Variants in ITGAE observed in about 807,000 individuals in gnomAD.
The protein encoded by ITGAE is integrin alpha-E.
A neutral mutation model predicts 136.5 loss-of-function variants in ITGAE; 99 were observed. The observed-to-expected ratio is 0.73, with a 90% CI of 0.62 to 0.86. The LOEUF (loss-of-function observed/expected upper bound fraction) is 0.86, where lower values mean the gene tolerates loss of function less well. Ranked by LOEUF, ITGAE falls within the 40% of genes least tolerant of loss-of-function variation. The pLI, the probability that ITGAE is intolerant of heterozygous loss-of-function variation, is 0.00. For missense variants in ITGAE, 1,447 were observed against 1,515.3 expected, an observed-to-expected ratio of 0.95 and a Z score of 0.75; for synonymous variants, 613 against 591.8, an observed-to-expected ratio of 1.04 and a Z score of -0.52.
intron 14 of ITGAE, among the ~76,000 whole-genome samples, chr17:3,752,092 C>T (rs933398298): frequency 3.3e-5 from 5 of 151,614 alleles, no homozygotes; most frequent in Admixed American, 6.6e-5. Flanking sequence ...GATGCACGCT[C>T]GCTGGGCTGG....
At chr17:3,770,574 C>T (rs1289842011) in intron 2 of ITGAE, among the ~76,000 whole-genome samples, 2 of 152,194 alleles carry the variant, frequency 1.3e-5, no homozygotes, top group East Asian at 3.8e-4. Context: ...AGCAGGAGCA[C>T]AGCCCCTGCC....
chr17:3,761,949 C>T lies in ITGAE; in HGVS notation c.281G>A (p.Gly94Glu), dbSNP rs760838149. The part of the protein sequence containing the change: ...HVPIPKGRHR[G>E]VTVVRSHHGV... ...GTGGTGGCTCCGGACAACGGTCACT[C>T]CCCGGTGCCTCCCCTTGGGGATGGG... Residue 94 changes from glycine to glutamate, a missense_variant, in exon 4 of 31, where the codon GGA (glycine) becomes GAA (glutamate). By Grantham distance (98) the Gly-to-Glu change is moderately conservative. Transcript: ENST00000263087. The T allele has an allele frequency of 3.4e-5, 55 of 1,613,838 alleles. No homozygotes were observed. The highest frequency in any genetic ancestry group is 4.5e-5 in the Non-Finnish European group (53 of 1,179,968).
chr17:3,788,577 G>A (rs1655660144), intron 1 of ITGAE, among the ~76,000 whole-genome samples: 1 of 149,926 alleles, frequency 6.7e-6, no homozygotes, highest in Non-Finnish European at 1.5e-5. Context: ...TGAGATTACA[G>A]GTGTGAGCCA....
chr17:3,743,420 TA>T, intron 19 of ITGAE, 68 bp downstream of exon 19: 5 of 1,486,018 alleles, frequency 3.4e-6, no homozygotes, highest in South Asian at 2.8e-5. Flanking sequence ...TCTTGGAAGT[TA>T]GGGGAGCAGG....
At chr17:3,761,859 A>C in intron 4 of ITGAE, 56 bp downstream of exon 4, 1 of 1,486,378 alleles carries the variant, frequency 6.7e-7, no homozygotes, top group Non-Finnish European at 9.3e-7. Flanking sequence ...AGGGTCAACC[A>C]CGAGGGCTAG....
intron 17 of ITGAE, 43 bp from the exon 18 acceptor site, chr17:3,745,970 C>T: frequency 1.3e-6 from 2 of 1,581,200 alleles, no homozygotes; most frequent in South Asian, 1.1e-5. Flanking sequence ...TGGGGATGAG[C>T]CAGCCGCAGA....
chr17:3,750,536 G>T, intron 15 of ITGAE, 54 bp from the exon 16 acceptor site: 1 of 1,605,026 alleles, frequency 6.2e-7, no homozygotes, highest in Non-Finnish European at 8.5e-7. Context: ...GAAACGGGGC[G>T]GGGAGTCCTT....
rs1567541379 is a variant in ITGAE, at chr17:3,761,517, A to G, written c.319T>C (p.Cys107Arg). 1 of 1,611,996 alleles carries G rather than the reference A, an allele frequency of 6.2e-7. No homozygotes were observed. The highest frequency in any genetic ancestry group is 8.5e-7 in the Non-Finnish European group (1 of 1,179,052). The stretch of plus-strand genomic sequence containing the variant: ...GGCCGCCGGACCAGCACTTGAATGC[A>G]TATCTGTGGGAGGGAAGAGAGGGTG... The part of the protein sequence containing the change: ...VVRSHHGVLI[C>R]IQVLVRRPHS... Residue 107 changes from cysteine (C) to arginine (R), a missense_variant, in exon 5 of 31, where the codon TGC becomes CGC. By Grantham distance (180) the Cys-to-Arg change is radical. Coordinates refer to ENST00000263087, the MANE Select transcript of ITGAE (RefSeq NM_002208.5).
At chr17:3,740,931 C>A (rs71366572) in intron 19 of ITGAE, among the ~76,000 whole-genome samples, 2 of 152,190 alleles carry the variant, frequency 1.3e-5, no homozygotes, top group African/African-American at 2.4e-5. Context: ...TCTGTTCCCA[C>A]GGCCTAGAGG....
intron 19 of ITGAE, among the ~76,000 whole-genome samples, chr17:3,742,149 CA>C (rs2051603366): frequency 6.6e-6 from 1 of 152,170 alleles, no homozygotes. Flanking sequence ...GAACATTCTA[CA>C]AAAGGACTGG....
chr17:3,730,182 G>T (rs1031651472), intron 23 of ITGAE, among the ~76,000 whole-genome samples: 11 of 152,084 alleles, frequency 7.2e-5, no homozygotes, highest in African/African-American at 2.7e-4. Flanking sequence ...GAGGCTGGGC[G>T]CGGTGGCTCA....
rs1055105475 is a variant in ITGAE at position 3,769,184 on chromosome 17, T to A, written c.156-5224A>T. Among the ~76,000 whole-genome samples the A allele has an allele frequency of 5.3e-5, 8 of 152,096 alleles. 1 individual carries two copies. The highest frequency in any genetic ancestry group is 3.9e-4 in the East Asian group (2 of 5,176). On this transcript the variant is annotated intron_variant, in intron 2 of 30. Coordinates refer to ENST00000263087, the MANE Select transcript of ITGAE (RefSeq NM_002208.5). ...CTGGACCCGCCTCCAGTCTCTCTCC[T>A]CCTCAGTCCTCTGCCCGGACTGTTT...
intron 26 of ITGAE, chr17:3,725,447 TCA>T: frequency 6.2e-7 from 1 of 1,614,154 alleles, no homozygotes; most frequent in Non-Finnish European, 8.5e-7. Flanking sequence ...CAATTGCTGA[TCA>T]CACACCCGTA....
chr17:3,766,937 C>T (rs2052313822), intron 2 of ITGAE, among the ~76,000 whole-genome samples: 1 of 151,862 alleles, frequency 6.6e-6, no homozygotes, highest in Admixed American at 6.6e-5. Flanking sequence ...TCCTGTCAAG[C>T]CTGCTTCTTC....
intron 17 of ITGAE, among the ~76,000 whole-genome samples, chr17:3,746,159 C>T (rs937664730): frequency 6.6e-6 from 1 of 152,162 alleles, no homozygotes; most frequent in Non-Finnish European, 1.5e-5. Context: ...GCAGCACATT[C>T]CCAGGACTGA....
intron 28 of ITGAE, chr17:3,720,626 G>C (rs1399981917): frequency 2.7e-6 from 1 of 366,000 alleles, no homozygotes; most frequent in African/African-American, 2.2e-5. Flanking sequence ...CTTTCGCCCA[G>C]GCTGGAGTGA....
At position 3,753,929 on chromosome 17, in the gene ITGAE, G is replaced by C. The variant is rs1255687544; in HGVS notation, c.1385-4C>G. The C allele has an allele frequency of 5.6e-6, 9 of 1,613,434 alleles. No individual in the cohort carries two copies. Among genetic ancestry groups the C allele is most frequent in the Non-Finnish European group, 7.6e-6 (9 of 1,179,764 alleles). The stretch of plus-strand genomic sequence containing the variant: ...TGCAGCACGGCCACAGCGTAACCTG[G>C]GGCAAGGGTGGTGTGGCTGTGAACA... On this transcript the variant is annotated splice_region_variant and splice_polypyrimidine_tract_variant and intron_variant, in intron 12 of 30. Transcript: ENST00000263087.
intron 1 of ITGAE, among the ~76,000 whole-genome samples, chr17:3,788,009 G>A (rs959058140): frequency 6.6e-6 from 1 of 151,952 alleles, no homozygotes; most frequent in African/African-American, 2.4e-5. Context: ...TTTCTCTGAC[G>A]TCTGAAGTCT....
At chr17:3,755,337 G>C in intron 11 of ITGAE, 76 bp from the exon 12 acceptor site, 4 of 1,437,178 alleles carry the variant, frequency 2.8e-6, no homozygotes, top group Non-Finnish European at 2.7e-6. Context: ...GGGTCTCCGG[G>C]CCAGCGCGGC....
Sources: gnomAD v4.1 joint callset for allele counts (sites outside exome capture counted in the v4.1 genomes callset) on GRCh38, gnomAD v4.1.1 for gene constraint, MANE v1.5 for transcripts, NCBI Gene and HGNC (gene_info 2026-07-23, HGNC 2026-07-21) for gene names.